The following NFIA variants were observed in gnomAD, a reference collection of about 807,000 sequenced individuals.
NFIA encodes nuclear factor I A.
Under a neutral mutation model 62.8 loss-of-function variants are expected in NFIA, and 8 were observed. The ratio of observed to expected loss-of-function variants is 0.13; its 90% CI spans 0.07 to 0.23. NFIA has a LOEUF of 0.23. NFIA is among the 10% of genes least tolerant of loss of function. The probability of loss-of-function intolerance (pLI) is 1.00; values close to 1 mark genes in which losing one functional copy is unlikely to be tolerated. For synonymous variants in NFIA, 235 were observed against 238.1 expected (o/e 0.99, Z 0.12); for missense variants, 410 against 642.1 (o/e 0.64, Z 3.91).
At chr1:61,102,435 G>A (rs1466636322) in intron 2 of NFIA, among the ~76,000 whole-genome samples, 5 of 152,014 alleles carry the variant, frequency 3.3e-5, no homozygotes, top group Admixed American at 3.3e-4. Context: ...AATAATGAAA[G>A]CTTAAAAAAT....
chr1:61,131,786 G>T (rs1387940770), intron 2 of NFIA, among the ~76,000 whole-genome samples: 3 of 152,174 alleles, frequency 2.0e-5, no homozygotes, highest in African/African-American at 4.8e-5. Flanking sequence ...TAGTAAGTAT[G>T]TGATTTTTGC....
Position 61,094,157 on chromosome 1 carries a change from A to G in NFIA, c.559+5477A>G, listed in dbSNP as rs190782993. On this transcript the variant is annotated intron_variant, in intron 2 of 10. Transcript: ENST00000403491. ...CTGATTTATTACCATTTTAGTAATA[A>G]TTTTCCCATGGTTATTTAAGGGTTA... 1.2e-4 allele frequency among the ~76,000 whole-genome samples: 19 copies of G among 152,302 alleles called. No homozygotes were observed. The East Asian group carries it at 3.7e-3, about 29-fold the overall frequency.
intron 2 of NFIA, among the ~76,000 whole-genome samples, chr1:61,270,065 A>G (rs1482086769): frequency 6.6e-6 from 1 of 152,212 alleles, no homozygotes; most frequent in Non-Finnish European, 1.5e-5. Context: ...CTTTAAAACC[A>G]GGTCTGTGCT....
chr1:61,351,268 C>T (rs1199600421), intron 4 of NFIA, among the ~76,000 whole-genome samples: 1 of 152,166 alleles, frequency 6.6e-6, no homozygotes, highest in South Asian at 2.1e-4. Flanking sequence ...CTTTCTTTTC[C>T]GTTTAAGGGT....
chr1:61,082,674 C>G lies in NFIA; in HGVS notation c.-118C>G. The G allele has an allele frequency of 2.7e-6, 1 of 367,980 alleles. No homozygotes were observed. Among genetic ancestry groups the G allele is most frequent in the Non-Finnish European group, 3.8e-6 (1 of 265,422 alleles). 22.8% of individuals were successfully genotyped at this position (367,980 alleles called of 1,614,324 possible). On this transcript the variant is annotated 5_prime_UTR_variant, in exon 1 of 11. Transcript: ENST00000403491. ...GCTTGATTTTTTTTTCTCCCCCCTT[C>G]TCTCTCTCTCTCTCTCTCTCTCTTC...
At chr1:61,081,972 C>T, upstream of NFIA, 8 of 1,550,698 alleles carry the variant, frequency 5.2e-6, no homozygotes, top group Non-Finnish European at 4.4e-6. Context: ...GCCTCCTCCT[C>T]GGTTCTCTAC....
At chr1:61,112,239 T>C (rs1248221913) in intron 2 of NFIA, among the ~76,000 whole-genome samples, 1 of 152,130 alleles carries the variant, frequency 6.6e-6, no homozygotes, top group Non-Finnish European at 1.5e-5. Flanking sequence ...TAATAATATA[T>C]TTCTCTATTC....
At chr1:61,246,192 C>T (rs892178971) in intron 2 of NFIA, among the ~76,000 whole-genome samples, 1 of 152,032 alleles carries the variant, frequency 6.6e-6, no homozygotes, top group African/African-American at 2.4e-5. Flanking sequence ...TTGTGAAGAT[C>T]TAATAATAAT....
Position 61,318,506 on chromosome 1 carries a change from G to A in NFIA, c.626-14006G>A, listed in dbSNP as rs576031560. Among the ~76,000 whole-genome samples, 3 of 152,290 alleles carry A rather than the reference G, an allele frequency of 2.0e-5. No homozygotes were observed. The East Asian group carries it at 5.8e-4, about 29-fold the overall frequency. ...CACAAGCAATGGTCCCTCCTGCTCTGAGCTGCAAAGGACACTCTAAACCAA... is the reference window on the plus strand; with the variant it reads ...CACAAGCAATGGTCCCTCCTGCTCTAAGCTGCAAAGGACACTCTAAACCAA... On this transcript the variant is annotated intron_variant, in intron 3 of 10. Transcript: ENST00000403491.
intron 2 of NFIA, among the ~76,000 whole-genome samples, chr1:61,142,426 A>G (rs1185031806): frequency 1.3e-5 from 2 of 152,200 alleles, no homozygotes; most frequent in Non-Finnish European, 2.9e-5. Context: ...ACATTTTAAA[A>G]TTATTTCTTA....
At chr1:61,306,261 A>ATTTTTTTT (rs1659782372) in intron 3 of NFIA, among the ~76,000 whole-genome samples, 1 of 73,288 alleles carries the variant, frequency 1.4e-5, no homozygotes, top group Non-Finnish European at 3.1e-5. Flanking sequence ...GGAGACCCAG[A>ATTTTTTTT]TTTTGTTCTT....
At chr1:61,420,038 A>G (rs944727244) in intron 9 of NFIA, among the ~76,000 whole-genome samples, 1 of 152,240 alleles carries the variant, frequency 6.6e-6, no homozygotes, top group African/African-American at 2.4e-5. Flanking sequence ...ATCTGGATAA[A>G]AACTACAACA....
chr1:61,196,969 A>G (rs925403843), intron 2 of NFIA, among the ~76,000 whole-genome samples: 5 of 151,534 alleles, frequency 3.3e-5, no homozygotes, highest in African/African-American at 7.3e-5. Context: ...TGTGTGATGC[A>G]TATGTATTTG....
intron 4 of NFIA, among the ~76,000 whole-genome samples, chr1:61,344,537 G>A (rs920645554): frequency 6.6e-6 from 1 of 152,144 alleles, no homozygotes; most frequent in African/African-American, 2.4e-5. Flanking sequence ...TTCCTCGGTG[G>A]CCATACAGAT....
chr1:61,222,474 G>A (rs532946314), intron 2 of NFIA, among the ~76,000 whole-genome samples: 1 of 152,098 alleles, frequency 6.6e-6, no homozygotes, highest in East Asian at 1.9e-4. Flanking sequence ...TTCCCATTTT[G>A]GGGTGAATGT....
At chr1:61,123,289 G>A (rs1646917312) in intron 2 of NFIA, among the ~76,000 whole-genome samples, 1 of 152,062 alleles carries the variant, frequency 6.6e-6, no homozygotes, top group South Asian at 2.1e-4. Flanking sequence ...TGTTTTGTAG[G>A]CAGCTTCATG....
At chr1:61,298,676 G>T (rs914420409) in intron 3 of NFIA, among the ~76,000 whole-genome samples, 6 of 152,110 alleles carry the variant, frequency 3.9e-5, no homozygotes, top group African/African-American at 1.4e-4. Context: ...CCGTAAATTG[G>T]AGATAATAAT....
At chr1:61,120,093 TC>T (rs368229001) in intron 2 of NFIA, among the ~76,000 whole-genome samples, 270 of 152,328 alleles carry the variant, frequency 1.8e-3, no homozygotes, top group African/African-American at 6.0e-3. Flanking sequence ...TTTTATGGTT[TC>T]TGTATGTCAA....
chr1:61,348,670 G>T lies in NFIA; in HGVS notation c.701-3780G>T, dbSNP rs187557036. ...TCTCTTGACATTTAAAAAAGATAAG[G>T]CAAAAGACATTTTTCTAGGATAGAT... On this transcript the variant is annotated intron_variant, in intron 4 of 10. Coordinates refer to ENST00000403491, the MANE Select transcript of NFIA (RefSeq NM_001134673.4). Among the ~76,000 whole-genome samples, 287 of 152,248 alleles carry T rather than the reference G, an allele frequency of 1.9e-3. 2 individuals are homozygous for T. Among genetic ancestry groups the T allele is most frequent in the Non-Finnish European group, 2.8e-4 (19 of 68,022 alleles).
Sources: gnomAD v4.1 joint callset for allele counts (sites outside exome capture counted in the v4.1 genomes callset) on GRCh38, gnomAD v4.1.1 for gene constraint, MANE v1.5 for transcripts, NCBI Gene and HGNC (gene_info 2026-07-23, HGNC 2026-07-21) for gene names.